IFT88: variants seen among roughly 807,000 people sequenced by gnomAD.
The protein encoded by IFT88 is intraflagellar transport protein 88 homolog.
A neutral mutation model predicts 119.5 loss-of-function variants in IFT88; 74 were observed. The ratio of observed to expected loss-of-function variants is 0.62; its 90% CI spans 0.51 to 0.75. The LOEUF (loss-of-function observed/expected upper bound fraction) is 0.75. Ranked by LOEUF, IFT88 falls within the 30% of genes least tolerant of loss-of-function variation. The pLI, the probability that IFT88 is intolerant of heterozygous loss-of-function variation, is 0.00. For synonymous variants in IFT88, 279 were observed against 316.7 expected (o/e 0.88, Z 1.26); for missense variants, 961 against 977.7 (o/e 0.98, Z 0.23).
chr13:20,672,363 A>G (rs2056034950), intron 24 of IFT88, among the ~76,000 whole-genome samples: 1 of 152,144 alleles, frequency 6.6e-6, no homozygotes, highest in African/African-American at 2.4e-5. Flanking sequence ...TGGAGAAATC[A>G]GTAAAAGCAG....
chr13:20,592,509 G>A lies in IFT88; in HGVS notation c.398+105G>A, dbSNP rs1472671641. 1.4e-5 allele frequency: 11 copies of A among 761,848 alleles called. No homozygotes were observed. In the Admixed American group the frequency reaches 2.6e-4, roughly 18 times the overall value. The allele number at this position is 761,848 out of a possible 1,614,324, so 47.2% of individuals were successfully genotyped here. A position where few individuals can be genotyped will look rare whatever the true frequency, so the allele number is the denominator to read the frequency against. On this transcript the variant is annotated intron_variant, in intron 7 of 25. Transcript: ENST00000351808. ...TTTTGAGATGATATCTCACTCTGTT[G>A]CCCAGGCTGGAGTGCAGTGATGCGA...
At chr13:20,606,873 TC>T (rs367607768) in intron 13 of IFT88, among the ~76,000 whole-genome samples, 10 of 152,004 alleles carry the variant, frequency 6.6e-5, no homozygotes, top group African/African-American at 2.2e-4. Context: ...AGAGCAGGAC[TC>T]CATCTCAAAA....
rs568090206 is a variant in IFT88, at chr13:20,618,163, G to A, written c.1199+2284G>A. 1.2e-4 allele frequency among the ~76,000 whole-genome samples: 19 copies of A among 152,134 alleles called. No homozygotes were observed. In the South Asian group the frequency reaches 2.9e-3, roughly 23 times the overall value. ...TCTCAATCTCCTGACCTCGTGATCC[G>A]CTCGCCTTGGCCTCCCAAAGCGCTG... is the stretch of plus-strand genomic sequence containing the variant. On this transcript the variant is annotated intron_variant, in intron 14 of 25. Coordinates refer to ENST00000351808, the MANE Select transcript of IFT88 (RefSeq NM_006531.5).
chr13:20,631,995 T>TA (rs150842691), intron 16 of IFT88: 37,377 of 151,792 alleles, frequency 0.25, 5,824 homozygotes, highest in East Asian at 0.7. Context: ...GTTCAAAAAA[T>TA]TAGCTGGGCA....
chr13:20,645,771 G>A (rs776776166), intron 20 of IFT88, among the ~76,000 whole-genome samples: 2 of 152,106 alleles, frequency 1.3e-5, no homozygotes, highest in Non-Finnish European at 2.9e-5. Context: ...TGGCCATATT[G>A]AATTTTAAGA....
Position 20,569,601 on chromosome 13 carries a change from T to C in IFT88, c.-7+2345T>C, listed in dbSNP as rs1049194799. Among the ~76,000 whole-genome samples the C allele has an allele frequency of 2.6e-5, 4 of 152,014 alleles. No individual in the cohort carries two copies. In the South Asian group the frequency reaches 8.3e-4, roughly 31 times the overall value. ...AAAAAAAAAAATTTTTTTAAACTTT[T>C]GTGCTTCAGAGGATAGTACAAAGAA... On this transcript the variant is annotated intron_variant, in intron 1 of 25. Coordinates refer to ENST00000351808, the MANE Select transcript of IFT88 (RefSeq NM_006531.5).
At chr13:20,594,124 A>G (rs895574165) in intron 7 of IFT88, among the ~76,000 whole-genome samples, 1 of 152,106 alleles carries the variant, frequency 6.6e-6, no homozygotes, top group Non-Finnish European at 1.5e-5. Context: ...CATAATAGGA[A>G]GTCTGGAGGA....
intron 14 of IFT88, among the ~76,000 whole-genome samples, chr13:20,621,526 T>TAAGAAA (rs2046479592): frequency 7.6e-6 from 1 of 130,746 alleles, no homozygotes; most frequent in African/African-American, 3.2e-5. Flanking sequence ...CCTGCTGAGA[T>TAAGAAA]AAAAAAAAAA....
At chr13:20,658,710 C>A (rs1333522717) in intron 22 of IFT88, among the ~76,000 whole-genome samples, 1 of 152,142 alleles carries the variant, frequency 6.6e-6, no homozygotes, top group African/African-American at 2.4e-5. Context: ...GGCCTCTGTC[C>A]AATAGATTAG....
chr13:20,681,051 T>C (rs2057271801), intron 24 of IFT88, among the ~76,000 whole-genome samples: 1 of 152,212 alleles, frequency 6.6e-6, no homozygotes, highest in South Asian at 2.1e-4. Flanking sequence ...CCTTCTGCTT[T>C]TGCAATTGTC....
intron 5 of IFT88, 22 bp from the exon 6 acceptor site, chr13:20,591,596 A>G (rs751587915): frequency 1.3e-6 from 2 of 1,585,126 alleles, no homozygotes; most frequent in Admixed American, 3.4e-5. Context: ...TTAAGAATAA[A>G]TGATTCCCAT....
chr13:20,622,516 C>G (rs1274725651), intron 14 of IFT88, among the ~76,000 whole-genome samples: 1 of 152,174 alleles, frequency 6.6e-6, no homozygotes, highest in Non-Finnish European at 1.5e-5. Context: ...TCAATTTTGG[C>G]CTTTCTAATA....
In IFT88 at chr13:20,664,388, AACATTGT is replaced by A. The variant is rs565405498; in HGVS notation, c.2175+804_2175+810del. Among the ~76,000 whole-genome samples the A allele has an allele frequency of 8.0e-4, 122 of 152,280 alleles. 1 individual carries two copies. Among genetic ancestry groups the A allele is most frequent in the African/African-American group, 2.4e-3 (100 of 41,550 alleles). On this transcript the variant is annotated intron_variant, in intron 23 of 25. Coordinates refer to ENST00000351808, the MANE Select transcript of IFT88 (RefSeq NM_006531.5). ...AATCCACATTTTTGGGTAAGAAGAA[AACATTGT>A]ACATTGTACATTGTACATTCATTAG...
chr13:20,659,648 CT>C (rs34185259), intron 22 of IFT88, among the ~76,000 whole-genome samples: 122,712 of 138,110 alleles, frequency 0.89, 54,413 homozygotes, highest in East Asian at 0.99. Flanking sequence ...ACTTTATGGT[CT>C]TTTTTTTTTT....
At chr13:20,674,413 T>G (rs1187937531) in intron 24 of IFT88, among the ~76,000 whole-genome samples, 1 of 152,196 alleles carries the variant, frequency 6.6e-6, no homozygotes, top group Non-Finnish European at 1.5e-5. Context: ...GCATTTTCTA[T>G]TTTTGCATGA....
chr13:20,657,088 C>T (rs548243386), intron 22 of IFT88, among the ~76,000 whole-genome samples: 48 of 152,274 alleles, frequency 3.2e-4, no homozygotes, highest in African/African-American at 9.1e-4. Context: ...AAACTCCTGA[C>T]GTTGTGATCC....
At chr13:20,653,169 G>A (rs576248081) in intron 20 of IFT88, among the ~76,000 whole-genome samples, 3 of 152,294 alleles carry the variant, frequency 2.0e-5, no homozygotes, top group African/African-American at 7.2e-5. Context: ...ACTTGCCCCA[G>A]TAGCAGGGCT....
At chr13:20,670,188 A>G (rs2055555663) in intron 23 of IFT88, among the ~76,000 whole-genome samples, 1 of 152,186 alleles carries the variant, frequency 6.6e-6, no homozygotes, top group African/African-American at 2.4e-5. Flanking sequence ...ATATCCACCC[A>G]TGTTAAGAAG....
At chr13:20,618,881 A>T (rs1205799812) in intron 14 of IFT88, among the ~76,000 whole-genome samples, 2 of 143,254 alleles carry the variant, frequency 1.4e-5, no homozygotes, top group African/African-American at 2.6e-5. Flanking sequence ...TTTGAGATGG[A>T]GTCTCACTCT....
Sources: allele counts gnomAD v4.1 joint callset (sites outside exome capture counted in the v4.1 genomes callset), GRCh38; gene constraint gnomAD v4.1.1; transcripts MANE v1.5; gene names NCBI Gene and HGNC (gene_info 2026-07-23, HGNC 2026-07-21).